Variants in LRBA observed in about 807,000 individuals in gnomAD.
LRBA encodes lipopolysaccharide-responsive and beige-like anchor protein.
LRBA carries 176 observed loss-of-function variants against 330.0 expected under a neutral mutation model. That is an observed-to-expected ratio of 0.53 (90% CI 0.47 to 0.60). The LOEUF is 0.60. Ranked by LOEUF, LRBA falls within the 20% of genes least tolerant of loss-of-function variation. LRBA has a pLI of 0.00. For synonymous variants in LRBA, 1,230 were observed against 1,193.0 expected, an observed-to-expected ratio of 1.03 and a Z score of -0.64; for missense variants, 3,259 against 3,444.8, an observed-to-expected ratio of 0.95 and a Z score of 1.35.
chr4:150,334,831 G>GTTT (rs34140293), intron 48 of LRBA, among the ~76,000 whole-genome samples: 4 of 113,628 alleles, frequency 3.5e-5, no homozygotes, highest in South Asian at 2.7e-4. Context: ...TTTTGTCTTG[G>GTTT]TTTTTTTTTT....
intron 48 of LRBA, among the ~76,000 whole-genome samples, chr4:150,328,736 G>A (rs1412217002): frequency 6.6e-6 from 1 of 152,096 alleles, no homozygotes; most frequent in African/African-American, 2.4e-5. Context: ...ACAGAGAGAG[G>A]GCAGTCAGAG....
intron 48 of LRBA, among the ~76,000 whole-genome samples, chr4:150,337,633 T>C (rs1469787757): frequency 6.6e-6 from 1 of 152,202 alleles, no homozygotes; most frequent in African/African-American, 2.4e-5. Context: ...AAATATGCCA[T>C]CTGTGTAACA....
chr4:150,466,199 T>C (rs1755435284), intron 44 of LRBA, among the ~76,000 whole-genome samples: 1 of 152,092 alleles, frequency 6.6e-6, no homozygotes. Flanking sequence ...GTAACTATTG[T>C]GATTGTCTGA....
chr4:150,444,858 G>A (rs987928958), intron 44 of LRBA, among the ~76,000 whole-genome samples: 5 of 152,098 alleles, frequency 3.3e-5, no homozygotes, highest in Non-Finnish European at 7.4e-5. Context: ...ATTTACTAGT[G>A]ATGTCTTCAT....
intron 48 of LRBA, 141 bp downstream of exon 48, chr4:150,349,851 T>A: frequency 1.5e-6 from 1 of 655,450 alleles, no homozygotes; most frequent in Non-Finnish European, 2.5e-6. Context: ...AGGTCACTGA[T>A]AAATTATTCT....
In LRBA at chr4:150,850,865, G is replaced by C. The variant is rs987760980; in HGVS notation, c.3863C>G (p.Ala1288Gly). The change falls in exon 24 of 57, where the codon GCA becomes GGA. Residue 1288 changes from alanine to glycine, a missense_variant. Ala to Gly is a moderately conservative substitution (Grantham distance 60). Coordinates refer to ENST00000651943, the MANE Select transcript of LRBA (RefSeq NM_001364905.1). ...CCTTTGTCCATTAACTGCATCTGGT[G>C]CTATTCCTTGCCCTGGCTGCTCATG... ...RQHEQPGQGIAPDAVNGQRRD... is the reference protein window; with the variant it reads ...RQHEQPGQGIGPDAVNGQRRD... 6.2e-7 allele frequency: 1 copy of C among 1,612,988 alleles called. No individual in the cohort carries two copies. Among genetic ancestry groups the C allele is most frequent in the East Asian group, 2.2e-5 (1 of 44,824 alleles).
chr4:150,390,811 A>G (rs551788060), intron 47 of LRBA, among the ~76,000 whole-genome samples: 1 of 152,330 alleles, frequency 6.6e-6, no homozygotes, highest in East Asian at 1.9e-4. Context: ...AAAGAAGGTG[A>G]CAGCAATAAG....
At chr4:150,614,906 T>C (rs1171794642) in intron 37 of LRBA, among the ~76,000 whole-genome samples, 4 of 152,208 alleles carry the variant, frequency 2.6e-5, no homozygotes, top group African/African-American at 4.8e-5. Flanking sequence ...CAGCTGGCCA[T>C]ATCTGTGACA....
chr4:150,990,946 G>C (rs1742001803), intron 2 of LRBA, among the ~76,000 whole-genome samples: 1 of 151,858 alleles, frequency 6.6e-6, no homozygotes, highest in Non-Finnish European at 1.5e-5. Context: ...ACTTGAACCA[G>C]GGAAGCGCTG....
rs1421433850 is a variant in LRBA, at chr4:150,526,988, ATCTC to A, written c.6331-35957_6331-35954del. 2.6e-5 allele frequency among the ~76,000 whole-genome samples: 4 copies of A among 151,500 alleles called. No individual in the cohort carries two copies. In the South Asian group the frequency reaches 6.2e-4, roughly 24 times the overall value. On this transcript the variant is annotated intron_variant, in intron 40 of 56. Transcript: ENST00000651943. The stretch of plus-strand genomic sequence containing the variant: ...TTTCAAGTTTTTAATCAATGAGAGA[ATCTC>A]TCTCTTCTTCTTTTCTTCTACTTTT...
chr4:150,898,690 T>C lies in LRBA; in HGVS notation c.1925-872A>G, dbSNP rs140477368. ...AGAGTTAGAAGAGGATCACAAAATTTGTCCAGCTCTCTCATTTGAAGAATG... is the reference window on the plus strand; with the variant it reads ...AGAGTTAGAAGAGGATCACAAAATTCGTCCAGCTCTCTCATTTGAAGAATG... On this transcript the variant is annotated intron_variant, in intron 14 of 56. Transcript: ENST00000651943. Among the ~76,000 whole-genome samples the C allele has an allele frequency of 4.2e-3, 635 of 151,916 alleles. 3 individuals carry two copies. Among genetic ancestry groups the C allele is most frequent in the African/African-American group, 0.015 (614 of 41,380 alleles).
At chr4:150,657,314 T>C (rs1352800793) in intron 37 of LRBA, among the ~76,000 whole-genome samples, 5 of 152,172 alleles carry the variant, frequency 3.3e-5, no homozygotes, top group African/African-American at 4.8e-5. Flanking sequence ...AAAATGCTTC[T>C]ATATCATATA....
chr4:150,613,201 G>A (rs1775437839), intron 37 of LRBA, among the ~76,000 whole-genome samples: 1 of 152,150 alleles, frequency 6.6e-6, no homozygotes, highest in Non-Finnish European at 1.5e-5. Flanking sequence ...AAAGACAGGA[G>A]ATTCGGTCAT....
intron 36 of LRBA, among the ~76,000 whole-genome samples, chr4:150,722,788 C>G (rs1377363355): frequency 6.6e-6 from 1 of 151,862 alleles, no homozygotes; most frequent in Admixed American, 6.6e-5. Context: ...AACTTCATAT[C>G]ATGGAAAGAG....
In LRBA at chr4:150,692,234, T is replaced by G. The variant is rs182499513; in HGVS notation, c.5755-8517A>C. On this transcript the variant is annotated intron_variant, in intron 36 of 56. Coordinates refer to ENST00000651943, the MANE Select transcript of LRBA (RefSeq NM_001364905.1). ...TGTTTGTTTGTTTGTTTGTTTGTTT[T>G]TTCAGGCAGGATTTCACTCTATTGT... is the stretch of plus-strand genomic sequence containing the variant. 3.1e-3 allele frequency among the ~76,000 whole-genome samples: 474 copies of G among 151,698 alleles called. 2 individuals carry two copies. The highest frequency in any genetic ancestry group is 0.011 in the African/African-American group (453 of 41,128).
chr4:150,444,747 C>A (rs968883153), intron 44 of LRBA, among the ~76,000 whole-genome samples: 3 of 152,174 alleles, frequency 2.0e-5, no homozygotes, highest in Non-Finnish European at 4.4e-5. Flanking sequence ...CTCACTACAC[C>A]ATTTCGATTT....
At chr4:150,717,614 C>T (rs1453146045) in intron 36 of LRBA, among the ~76,000 whole-genome samples, 2 of 150,130 alleles carry the variant, frequency 1.3e-5, no homozygotes, top group East Asian at 1.9e-4. Context: ...GAGCCAAAAT[C>T]GCACCACTAC....
chr4:150,334,744 AT>A (rs746608715), intron 48 of LRBA, among the ~76,000 whole-genome samples: 30 of 149,402 alleles, frequency 2.0e-4, no homozygotes, highest in Non-Finnish European at 3.7e-4. Context: ...AACAATTTTC[AT>A]TTTGAAAAAA....
At chr4:150,625,016 A>T (rs954507629) in intron 37 of LRBA, among the ~76,000 whole-genome samples, 10 of 152,210 alleles carry the variant, frequency 6.6e-5, no homozygotes, top group Admixed American at 4.6e-4. Flanking sequence ...TAGTCAAGGA[A>T]AATAACTAGA....
Sources: allele counts gnomAD v4.1 joint callset (sites outside exome capture counted in the v4.1 genomes callset), GRCh38; gene constraint gnomAD v4.1.1; transcripts MANE v1.5; gene names NCBI Gene and HGNC (gene_info 2026-07-23, HGNC 2026-07-21).